The following DCC variants were observed in gnomAD, a reference collection of about 807,000 sequenced individuals.
The protein encoded by DCC is netrin receptor DCC.
Under a neutral mutation model 172.5 loss-of-function variants are expected in DCC, and 58 were observed. The observed-to-expected ratio is 0.34, with a 90% CI of 0.27 to 0.42. DCC has a LOEUF of 0.42. DCC is among the 10% of genes least tolerant of loss of function. The probability of loss-of-function intolerance (pLI) is 1.00; values close to 1 mark genes in which losing one functional copy is unlikely to be tolerated. For missense variants in DCC, 1,740 were observed against 1,791.0 expected (o/e 0.97, Z 0.51); for synonymous variants, 709 against 644.5 (o/e 1.10, Z -1.52).
chr18:53,434,486 C>T (rs996273076), intron 21 of DCC, among the ~76,000 whole-genome samples: 5 of 152,206 alleles, frequency 3.3e-5, no homozygotes, highest in South Asian at 2.1e-4. Context: ...CTCTTAAATA[C>T]GGCTTTCACA....
intron 7 of DCC, among the ~76,000 whole-genome samples, chr18:53,155,096 CT>C (rs111610643): frequency 0.014 from 1,975 of 143,580 alleles, 23 homozygotes; most frequent in African/African-American, 0.032. Context: ...ACTTTGAATA[CT>C]TTTTTTTTTT....
At chr18:52,676,874 T>C (rs912515907) in intron 1 of DCC, among the ~76,000 whole-genome samples, 1 of 152,192 alleles carries the variant, frequency 6.6e-6, no homozygotes, top group Non-Finnish European at 1.5e-5. Context: ...CTTTTGTCCT[T>C]TTGTCTTGAA....
chr18:52,475,108 A>C (rs1989056833), intron 1 of DCC, among the ~76,000 whole-genome samples: 1 of 152,186 alleles, frequency 6.6e-6, no homozygotes, highest in African/African-American at 2.4e-5. Flanking sequence ...ACATCTAATC[A>C]TTGAAATTCT....
chr18:52,504,220 T>A (rs1385541593), intron 1 of DCC, among the ~76,000 whole-genome samples: 1 of 152,172 alleles, frequency 6.6e-6, no homozygotes, highest in Non-Finnish European at 1.5e-5. Flanking sequence ...ATCTGTATCA[T>A]GGTCTTCCCC....
chr18:53,503,943 G>A (rs1372404413), intron 27 of DCC, among the ~76,000 whole-genome samples: 1 of 152,172 alleles, frequency 6.6e-6, no homozygotes, highest in Admixed American at 6.5e-5. Flanking sequence ...TATGTCAGTG[G>A]ACATGACAAG....
At chr18:52,600,810 A>T (rs1479582622) in intron 1 of DCC, among the ~76,000 whole-genome samples, 3 of 152,100 alleles carry the variant, frequency 2.0e-5, no homozygotes, top group Admixed American at 1.3e-4. Context: ...AACTGTGTTC[A>T]TGTTAGGCTT....
At chr18:52,969,593 CTCTCTCT>C (rs2040992695) in intron 5 of DCC, among the ~76,000 whole-genome samples, 1 of 107,158 alleles carries the variant, frequency 9.3e-6, no homozygotes, top group South Asian at 3.9e-4. Flanking sequence ...CACTCTCTCT[CTCTCTCT>C]CTCTCTCTCT....
intron 2 of DCC, among the ~76,000 whole-genome samples, chr18:52,807,291 C>T (rs879050793): frequency 6.6e-5 from 10 of 152,264 alleles, no homozygotes; most frequent in East Asian, 1.9e-4. Flanking sequence ...CTCTCTAGCA[C>T]GGTGAGATGC....
intron 12 of DCC, among the ~76,000 whole-genome samples, chr18:53,296,066 G>A (rs950686461): frequency 1.3e-5 from 2 of 152,170 alleles, no homozygotes; most frequent in Admixed American, 1.3e-4. Flanking sequence ...AGTGTTGCTA[G>A]ACAATTTCTC....
chr18:52,774,246 CA>C (rs1376057274), intron 2 of DCC, among the ~76,000 whole-genome samples: 2 of 152,172 alleles, frequency 1.3e-5, no homozygotes, highest in Non-Finnish European at 2.9e-5. Context: ...CATGTTTTAA[CA>C]AGCCCTTCAG....
intron 1 of DCC, among the ~76,000 whole-genome samples, chr18:52,456,382 G>C (rs575699177): frequency 6.6e-6 from 1 of 151,968 alleles, no homozygotes; most frequent in Non-Finnish European, 1.5e-5. Context: ...TTGCTTTCCT[G>C]AGTGCCTTGT....
intron 1 of DCC, among the ~76,000 whole-genome samples, chr18:52,450,386 C>T (rs1372940829): frequency 1.3e-5 from 2 of 152,122 alleles, no homozygotes; most frequent in African/African-American, 4.8e-5. Context: ...TACTATATAC[C>T]AGACTTTGAC....
At chr18:53,108,452 AT>A in intron 7 of DCC, among the ~76,000 whole-genome samples, 1 of 151,948 alleles carries the variant, frequency 6.6e-6, no homozygotes, top group Non-Finnish European at 1.5e-5. Context: ...ATCAATGTTG[AT>A]TTTGTTAGTA....
chr18:52,879,412 C>CTTTTTTTTTTGTTTTTTTTTTTTTTTTT (rs2039448821), intron 2 of DCC, among the ~76,000 whole-genome samples: 1 of 62,356 alleles, frequency 1.6e-5, no homozygotes, highest in African/African-American at 6.9e-5. Context: ...TGTTGTTTGG[C>CTTTTTTTTTTGTTTTTTTTTTTTTTTTT]TTTTTTTTTT....
At chr18:53,279,162 GTGA>G (rs1253700903) in intron 12 of DCC, among the ~76,000 whole-genome samples, 2 of 152,140 alleles carry the variant, frequency 1.3e-5, no homozygotes, top group African/African-American at 4.8e-5. Context: ...CTGATGGCCA[GTGA>G]TGATGAACAT....
Position 52,663,259 on chromosome 18 carries a change from G to A in DCC, c.92-88795G>A, listed in dbSNP as rs1291141040. ...GTTTCTCAGGAAGCCACTTAAGAATGAGCTTCTATTAAAATGGGAAAGAAC... is the reference window on the plus strand; with the variant it reads ...GTTTCTCAGGAAGCCACTTAAGAATAAGCTTCTATTAAAATGGGAAAGAAC... On this transcript the variant is annotated intron_variant, in intron 1 of 28. Coordinates refer to ENST00000442544, the MANE Select transcript of DCC (RefSeq NM_005215.4). 2.0e-5 allele frequency among the ~76,000 whole-genome samples: 3 copies of A among 152,146 alleles called. No individual in the cohort carries two copies. The East Asian group carries it at 5.8e-4, about 29-fold the overall frequency.
intron 1 of DCC, among the ~76,000 whole-genome samples, chr18:52,658,213 T>C (rs887338583): frequency 6.6e-6 from 1 of 152,190 alleles, no homozygotes; most frequent in African/African-American, 2.4e-5. Context: ...GTTAATCCAG[T>C]TGAGACACCA....
chr18:52,355,317 T>A (rs1266835430), intron 1 of DCC, among the ~76,000 whole-genome samples: 1 of 152,110 alleles, frequency 6.6e-6, no homozygotes, highest in African/African-American at 2.4e-5. Flanking sequence ...TTTCTACTGG[T>A]AAGGACTCAG....
At chr18:52,450,337 T>A (rs1205392545) in intron 1 of DCC, among the ~76,000 whole-genome samples, 1 of 152,204 alleles carries the variant, frequency 6.6e-6, no homozygotes. Flanking sequence ...CCTTGATTCA[T>A]ACCTTTCCAG....
Sources: gnomAD v4.1 joint callset for allele counts (sites outside exome capture counted in the v4.1 genomes callset) on GRCh38, gnomAD v4.1.1 for gene constraint, MANE v1.5 for transcripts, NCBI Gene and HGNC (gene_info 2026-07-23, HGNC 2026-07-21) for gene names.